Variants in EME1 observed in about 807,000 individuals in gnomAD.
EME1 encodes the protein essential meiotic structure-specific endonuclease 1.
In EME1, 61 loss-of-function variants were observed where a neutral mutation model predicts 59.1. The ratio of observed to expected loss-of-function variants is 1.03; its 90% CI spans 0.84 to 1.28. The LOEUF is 1.28. Ranked by LOEUF, EME1 falls within the 50% of genes most tolerant of loss-of-function variation. The pLI is 0.00. For missense variants in EME1, 635 were observed against 682.6 expected (o/e 0.93, Z 0.78); for synonymous variants, 230 against 254.2 (o/e 0.90, Z 0.90).
At chr17:50,377,012 AAT>A (rs1913507111) in intron 3 of EME1, among the ~76,000 whole-genome samples, 1 of 152,128 alleles carries the variant, frequency 6.6e-6, no homozygotes, top group African/African-American at 2.4e-5. Context: ...AGCCTCTCAA[AAT>A]GCTGCGATTA....
At position 50,375,676 on chromosome 17, in the gene EME1, AGAT is replaced by A; in HGVS notation, c.469_471del (p.Asp157del). ...ATGATACCCCAGAGAGGAGTGCAGC[AGAT>A]AACAAGGACCTGATCTTAGATCCAT... On this transcript the variant is annotated inframe_deletion, in exon 2 of 9. Transcript: ENST00000338165. The A allele has an allele frequency of 6.2e-7, 1 of 1,614,148 alleles. No individual in the cohort carries two copies. Among genetic ancestry groups the A allele is most frequent in the Non-Finnish European group, 8.5e-7 (1 of 1,180,026 alleles).
In EME1 at chr17:50,375,399, C is replaced by T. The variant is rs1458941072; in HGVS notation, c.191C>T (p.Ser64Leu). ...TGTCCTCCAGCACCAGAGTTATTTT[C>T]ACCACCTGTCCCAGAAATAGCTGAA... ...ASCPPAPELF[S>L]PPVPEIAETV... The change falls in exon 2 of 9, where the codon TCA becomes TTA. Residue 64 changes from serine (S) to leucine (L), a missense_variant. Ser to Leu is a moderately radical substitution (Grantham distance 145). Transcript: ENST00000338165. The T allele has an allele frequency of 9.9e-6, 16 of 1,614,080 alleles. No homozygotes were observed. The highest frequency in any genetic ancestry group is 1.4e-5 in the Non-Finnish European group (16 of 1,180,044).
In EME1 at chr17:50,375,479, GA is replaced by G; in HGVS notation, c.273del (p.Glu92AsnfsTer14). The G allele has an allele frequency of 6.2e-7, 1 of 1,613,938 alleles. No individual in the cohort carries two copies. The highest frequency in any genetic ancestry group is 1.1e-5 in the South Asian group (1 of 91,034). ...RLLSSESEDE[E>X]EFIPLAQRLT... ...GCTAAGCAGTGAAAGTGAAGATGAA[GA>G]AGAATTTATTCCTCTGGCTCAAAGG... On this transcript the variant is annotated frameshift_variant, in exon 2 of 9. Coordinates refer to ENST00000338165, the MANE Select transcript of EME1 (RefSeq NM_152463.4). LOFTEE classifies it high-confidence loss of function.
chr17:50,373,311 G>T (rs1913258250), intron 1 of EME1, 34 bp downstream of exon 1: 1 of 1,175,776 alleles, frequency 8.5e-7, no homozygotes, highest in Non-Finnish European at 1.2e-6. Context: ...TGCGGATTGG[G>T]CAGGGCTTCC....
At chr17:50,380,580 T>A in intron 8 of EME1, 79 bp downstream of exon 8, 1 of 1,570,436 alleles carries the variant, frequency 6.4e-7, no homozygotes, top group Admixed American at 1.7e-5. Context: ...TGGACAACTG[T>A]TGAGGGCCCA....
At chr17:50,376,227 C>T (rs770379428) in intron 3 of EME1, 34 bp downstream of exon 3, 1 of 1,604,110 alleles carries the variant, frequency 6.2e-7, no homozygotes, top group Non-Finnish European at 8.5e-7. Flanking sequence ...TCCTCCCTCT[C>T]CTCCCCTTAC....
intron 7 of EME1, 54 bp downstream of exon 7, chr17:50,379,621 C>A: frequency 2.0e-6 from 3 of 1,480,016 alleles, no homozygotes; most frequent in Non-Finnish European, 2.8e-6. Flanking sequence ...TTTACCATGG[C>A]TCTTGCAGTC....
chr17:50,373,347 T>G, intron 1 of EME1, 70 bp downstream of exon 1: 2 of 838,034 alleles, frequency 2.4e-6, no homozygotes, highest in Non-Finnish European at 3.8e-6. Flanking sequence ...CTGCAGAATC[T>G]TGGTGGCTAA....
rs746804207 is a variant in EME1 at position 50,375,732 on chromosome 17, C to T, written c.524C>T (p.Thr175Ile). The T allele has an allele frequency of 2.4e-5, 38 of 1,614,054 alleles. No homozygotes were observed. The South Asian group carries it at 4.1e-4, about 17-fold the overall frequency. Residue 175 changes from threonine to isoleucine, a missense_variant, in exon 2 of 9, where the codon ACC becomes ATC. By Grantham distance (89) the Thr-to-Ile change is moderately conservative (BLOSUM62 -1). Transcript: ENST00000338165. ...TGTCAGCTTCCAGCCTACCTGTCTA[C>T]CTGCCCTGGCCAGAGCAGCAGCTTG... ...PCCQLPAYLSTCPGQSSSLAV... is the reference protein window; with the variant it reads ...PCCQLPAYLSICPGQSSSLAV...
At chr17:50,378,982 G>T in intron 5 of EME1, 87 bp downstream of exon 5, 1 of 1,611,350 alleles carries the variant, frequency 6.2e-7, no homozygotes, top group Non-Finnish European at 8.5e-7. Context: ...TGCAGATGTA[G>T]GTCACTCTGC....
chr17:50,373,671 A>AC (rs1236519636), intron 1 of EME1, among the ~76,000 whole-genome samples: 5 of 152,244 alleles, frequency 3.3e-5, no homozygotes, highest in African/African-American at 4.8e-5. Context: ...TCTGGGTCAT[A>AC]CCTACAGTGT....
Position 50,375,378 on chromosome 17 carries a change from C to T in EME1, c.170C>T (p.Pro57Leu). 1 of 1,614,154 alleles carries T rather than the reference C, an allele frequency of 6.2e-7. No individual in the cohort carries two copies. Among genetic ancestry groups the T allele is most frequent in the Non-Finnish European group, 8.5e-7 (1 of 1,180,022 alleles). ...VDISDCEASC[P>L]PAPELFSPPV... Reference sequence around the variant, plus strand: ...ATCTCAGATTGTGAAGCCTCCTGTCCTCCAGCACCAGAGTTATTTTCACCA... The same window carrying T: ...ATCTCAGATTGTGAAGCCTCCTGTCTTCCAGCACCAGAGTTATTTTCACCA... The change falls in exon 2 of 9, where the codon CCT (proline) becomes CTT (leucine). Residue 57 changes from proline to leucine, a missense_variant. Pro to Leu is a moderately conservative substitution (Grantham distance 98). Coordinates refer to ENST00000338165, the MANE Select transcript of EME1 (RefSeq NM_152463.4).
In EME1 at chr17:50,378,619, C is replaced by T; in HGVS notation, c.928C>T (p.Pro310Ser). The T allele has an allele frequency of 6.2e-7, 1 of 1,613,922 alleles. No individual in the cohort carries two copies. Among genetic ancestry groups the T allele is most frequent in the African/African-American group, 1.3e-5 (1 of 75,018 alleles). Residue 310 changes from proline (P) to serine (S), a missense_variant, in exon 4 of 9, where the codon CCA (proline) becomes TCA (serine). Pro to Ser is a moderately conservative substitution (Grantham distance 74, BLOSUM62 -1). Transcript: ENST00000338165. ...SEDREDWVEE[P>S]TVLVLLRAEA... The stretch of plus-strand genomic sequence containing the variant: ...GGACAGAGAGGACTGGGTGGAGGAG[C>T]CAACAGTACTGGTGTTGCTCCGGGC...
In EME1 at chr17:50,378,614, A is replaced by T. The variant is rs1445067524; in HGVS notation, c.923A>T (p.Glu308Val). The T allele has an allele frequency of 2.5e-6, 4 of 1,613,766 alleles. No individual in the cohort carries two copies. Among genetic ancestry groups the T allele is most frequent in the Non-Finnish European group, 3.4e-6 (4 of 1,179,986 alleles). ...TGGCAGGACAGAGAGGACTGGGTGG[A>T]GGAGCCAACAGTACTGGTGTTGCTC... Reference protein sequence around the residue: ...GPSEDREDWVEEPTVLVLLRA... With the variant: ...GPSEDREDWVVEPTVLVLLRA... Residue 308 changes from glutamate (E) to valine (V), a missense_variant, in exon 4 of 9, where the codon GAG (glutamate) becomes GTG (valine). Physicochemically the swap from Glu to Val is moderately radical, Grantham distance 121. Coordinates refer to ENST00000338165, the MANE Select transcript of EME1 (RefSeq NM_152463.4).
chr17:50,373,994 CAT>C (rs1472402576), intron 1 of EME1, among the ~76,000 whole-genome samples: 1 of 152,130 alleles, frequency 6.6e-6, no homozygotes, highest in Non-Finnish European at 1.5e-5. Flanking sequence ...CAAAAGGCCA[CAT>C]AGTGTATGAT....
chr17:50,378,367 A>G (rs1339870429), intron 3 of EME1, among the ~76,000 whole-genome samples: 2 of 152,104 alleles, frequency 1.3e-5, no homozygotes, highest in African/African-American at 2.4e-5. Context: ...CCCGGCTGCT[A>G]TGTTCCTTTC....
chr17:50,377,263 C>T (rs1567816077), intron 3 of EME1, among the ~76,000 whole-genome samples: 1 of 152,088 alleles, frequency 6.6e-6, no homozygotes, highest in Non-Finnish European at 1.5e-5. Context: ...CTTGTGTTTC[C>T]ATCAGTCATC....
At chr17:50,375,157 CTG>C in intron 1 of EME1, 26 bp from the exon 2 acceptor site, 2 of 1,568,270 alleles carry the variant, frequency 1.3e-6, no homozygotes, top group Non-Finnish European at 1.7e-6. Context: ...ATGCTCCAGT[CTG>C]TGTCATATGT....
chr17:50,380,631 A>C, intron 8 of EME1, 130 bp downstream of exon 8: 2 of 1,527,260 alleles, frequency 1.3e-6, no homozygotes, highest in South Asian at 2.4e-5. Context: ...TACTAAGATC[A>C]GTGTTGCTAA....
Sources: gnomAD v4.1 joint callset for allele counts (sites outside exome capture counted in the v4.1 genomes callset) on GRCh38, gnomAD v4.1.1 for gene constraint, MANE v1.5 for transcripts, NCBI Gene and HGNC (gene_info 2026-07-23, HGNC 2026-07-21) for gene names.